The following EPHX2 variants were observed in gnomAD, a reference collection of about 807,000 sequenced individuals.
EPHX2 encodes bifunctional epoxide hydrolase 2.
In EPHX2, 74 loss-of-function variants were observed where a neutral mutation model predicts 78.7. That is an observed-to-expected ratio of 0.94 (90% CI 0.78 to 1.14). The LOEUF is 1.14. Ranked by LOEUF, EPHX2 falls within the 50% of genes most tolerant of loss-of-function variation. The probability of loss-of-function intolerance (pLI) is 0.00; values close to 1 mark genes in which losing one functional copy is unlikely to be tolerated. For synonymous variants in EPHX2, 251 were observed against 255.2 expected, an observed-to-expected ratio of 0.98 and a Z score of 0.16; for missense variants, 715 against 702.5, an observed-to-expected ratio of 1.02 and a Z score of -0.20.
chr8:27,535,473 C>T (rs749498590), intron 12 of EPHX2, among the ~76,000 whole-genome samples: 4 of 152,156 alleles, frequency 2.6e-5, no homozygotes, highest in Non-Finnish European at 5.9e-5. Flanking sequence ...TGCACCCGGC[C>T]AAGATTTTTA....
chr8:27,525,108 G>GCA (rs1814790409), intron 11 of EPHX2, among the ~76,000 whole-genome samples: 6 of 128,304 alleles, frequency 4.7e-5, no homozygotes, highest in African/African-American at 1.9e-4. Flanking sequence ...GTGTGTGTGT[G>GCA]CGCGCGCGCG....
intron 1 of EPHX2, 34 bp from the exon 2 acceptor site, chr8:27,500,892 A>T: frequency 1.3e-6 from 2 of 1,591,692 alleles, no homozygotes; most frequent in South Asian, 1.1e-5. Flanking sequence ...GACAAAATCC[A>T]CAGAATGTTC....
In EPHX2 at chr8:27,525,365, G is replaced by A. The variant is rs200523278; in HGVS notation, c.1062G>A (p.Ala354=). The A allele has an allele frequency of 1.3e-4, 216 of 1,613,930 alleles. 2 individuals are homozygous for A. The highest frequency in any genetic ancestry group is 7.7e-4 in the South Asian group (70 of 91,064). The change falls in exon 12 of 19, where the codon GCG becomes GCA. Residue 354 remains alanine, a synonymous_variant. Coordinates refer to ENST00000521400, the MANE Select transcript of EPHX2 (RefSeq NM_001979.6). The part of the protein sequence containing the change: ...MALFYPERVR[A]VASLNTPFIP... ...TTGCTGCCTCTTATTTCTGTAGGGC[G>A]GTGGCCAGTTTGAATACTCCCTTCA... is the stretch of plus-strand genomic sequence containing the variant.
intron 5 of EPHX2, among the ~76,000 whole-genome samples, chr8:27,508,668 G>A (rs565637509): frequency 2.0e-5 from 3 of 152,316 alleles, no homozygotes; most frequent in East Asian, 3.9e-4. Flanking sequence ...AGGAGGAAGA[G>A]GAAGATAGAA....
At chr8:27,517,971 C>A in intron 8 of EPHX2, 67 bp from the exon 9 acceptor site, 2 of 1,296,178 alleles carry the variant, frequency 1.5e-6, no homozygotes, top group South Asian at 2.7e-5. Flanking sequence ...GCAAAAAGGT[C>A]CTTTTGATGT....
chr8:27,496,324 A>G (rs1421192893), intron 1 of EPHX2, among the ~76,000 whole-genome samples: 1 of 152,212 alleles, frequency 6.6e-6, no homozygotes, highest in African/African-American at 2.4e-5. Flanking sequence ...GAAGTGGCCT[A>G]GATCTTGGGC....
intron 11 of EPHX2, among the ~76,000 whole-genome samples, chr8:27,525,114 G>GCGCGCGCA (rs1814793369): frequency 2.0e-5 from 3 of 150,634 alleles, no homozygotes; most frequent in Non-Finnish European, 4.4e-5. Flanking sequence ...GTGTGCGCGC[G>GCGCGCGCA]CGCGCGCGCA....
At chr8:27,544,164 T>G in intron 17 of EPHX2, 22 bp from the exon 18 acceptor site, 2 of 1,614,084 alleles carry the variant, frequency 1.2e-6, no homozygotes, top group Non-Finnish European at 1.7e-6. Context: ...CATTTACCTT[T>G]CTGCCTGGGG....
chr8:27,518,210 A>T (rs1020619473), intron 9 of EPHX2, 138 bp downstream of exon 9: 15 of 688,158 alleles, frequency 2.2e-5, no homozygotes, highest in Non-Finnish European at 3.4e-5. Context: ...AAAGTTGAAC[A>T]GTATTTCCAA....
intron 1 of EPHX2, among the ~76,000 whole-genome samples, chr8:27,497,553 G>A (rs1045917997): frequency 3.9e-5 from 6 of 152,264 alleles, no homozygotes; most frequent in African/African-American, 1.4e-4. Flanking sequence ...CACCAAGGTT[G>A]CCAGGTTTAA....
chr8:27,503,817 G>A (rs992109537), intron 3 of EPHX2, 54 bp downstream of exon 3: 17 of 1,569,480 alleles, frequency 1.1e-5, no homozygotes, highest in Non-Finnish European at 1.4e-5. Context: ...ACCCTCGGGA[G>A]CATTAGGTCA....
chr8:27,500,422 C>A (rs545502014), intron 1 of EPHX2, among the ~76,000 whole-genome samples: 2 of 152,196 alleles, frequency 1.3e-5, no homozygotes, highest in East Asian at 1.9e-4. Flanking sequence ...ATCTGAGGTA[C>A]GTCTTTATAG....
chr8:27,495,275 A>G (rs1813532860), intron 1 of EPHX2, among the ~76,000 whole-genome samples: 1 of 152,234 alleles, frequency 6.6e-6, no homozygotes, highest in African/African-American at 2.4e-5. Context: ...AGGCTCAGGT[A>G]AGCACCACTA....
intron 10 of EPHX2, 107 bp downstream of exon 10, chr8:27,521,016 A>G (rs1488205146): frequency 3.2e-5 from 45 of 1,401,800 alleles, no homozygotes; most frequent in Non-Finnish European, 4.5e-5. Context: ...GGGAGGGCCC[A>G]TTTTGGGGCA....
chr8:27,510,442 C>G (rs1480199768), intron 5 of EPHX2, among the ~76,000 whole-genome samples: 1 of 152,202 alleles, frequency 6.6e-6, no homozygotes, highest in Non-Finnish European at 1.5e-5. Flanking sequence ...ATGGGTTAGT[C>G]TAAGCCCTCA....
chr8:27,498,222 A>G (rs944392144), intron 1 of EPHX2, among the ~76,000 whole-genome samples: 2 of 152,202 alleles, frequency 1.3e-5, no homozygotes, highest in South Asian at 4.1e-4. Context: ...CCCTCCCCCT[A>G]CAGCTTGAAG....
At chr8:27,546,886 C>G (rs1815585134), downstream of EPHX2, among the ~76,000 whole-genome samples, 1 of 152,182 alleles carries the variant, frequency 6.6e-6, no homozygotes, top group African/African-American at 2.4e-5. Context: ...GCTCACGGTT[C>G]TGCAGGCTTT....
chr8:27,500,171 G>A (rs1813712092), intron 1 of EPHX2, among the ~76,000 whole-genome samples: 1 of 152,120 alleles, frequency 6.6e-6, no homozygotes, highest in Admixed American at 6.5e-5. Flanking sequence ...CATGGGGGTG[G>A]ATTTCCTCCT....
At chr8:27,535,388 C>T (rs572569544) in intron 12 of EPHX2, among the ~76,000 whole-genome samples, 30 of 151,998 alleles carry the variant, frequency 2.0e-4, no homozygotes, top group South Asian at 1.5e-3. Flanking sequence ...TTGGCCAGGC[C>T]GGTCTCAAAC....
Sources: gnomAD v4.1 joint callset for allele counts (sites outside exome capture counted in the v4.1 genomes callset) on GRCh38, gnomAD v4.1.1 for gene constraint, MANE v1.5 for transcripts, NCBI Gene and HGNC (gene_info 2026-07-23, HGNC 2026-07-21) for gene names.